Variants in KIAA1328 observed in about 807,000 individuals in gnomAD.
The protein encoded by KIAA1328 is protein hinderin.
Under a neutral mutation model 68.1 loss-of-function variants are expected in KIAA1328, and 52 were observed. That is an observed-to-expected ratio of 0.76 (90% CI 0.61 to 0.96). KIAA1328 has a LOEUF of 0.96. Ranked by LOEUF, KIAA1328 falls within the 40% of genes least tolerant of loss-of-function variation. The pLI is 0.00. For missense variants in KIAA1328, 641 were observed against 677.6 expected (o/e 0.95, Z 0.60); for synonymous variants, 232 against 239.4 (o/e 0.97, Z 0.28).
At chr18:36,883,915 TTTC>T (rs1317652410) in intron 4 of KIAA1328, among the ~76,000 whole-genome samples, 1 of 138,512 alleles carries the variant, frequency 7.2e-6, no homozygotes, top group African/African-American at 2.7e-5. Context: ...GTTTGGTAAC[TTTC>T]TTCTTCTTTA....
At chr18:36,936,557 T>C (rs1046223294) in intron 5 of KIAA1328, among the ~76,000 whole-genome samples, 1 of 152,200 alleles carries the variant, frequency 6.6e-6, no homozygotes, top group African/African-American at 2.4e-5. Context: ...CTATTGTAAA[T>C]AGTGCTGCAG....
chr18:36,848,361 T>G (rs543966963), intron 4 of KIAA1328, among the ~76,000 whole-genome samples: 45 of 151,540 alleles, frequency 3.0e-4, no homozygotes, highest in African/African-American at 9.9e-4. Flanking sequence ...CAATATTCAA[T>G]TTTTTGATTG....
At chr18:37,158,022 T>TTTTC (rs1051116991) in intron 7 of KIAA1328, among the ~76,000 whole-genome samples, 40 of 151,928 alleles carry the variant, frequency 2.6e-4, no homozygotes, top group South Asian at 4.2e-4. Context: ...ATTCCTTTTT[T>TTTTC]TTTCTTTCTT....
chr18:36,905,621 G>C (rs773053000), intron 5 of KIAA1328, among the ~76,000 whole-genome samples: 42 of 152,194 alleles, frequency 2.8e-4, no homozygotes, highest in Admixed American at 6.5e-4. Context: ...TTGCTCCACT[G>C]TCATTATACT....
intron 9 of KIAA1328, among the ~76,000 whole-genome samples, chr18:37,177,359 A>T (rs576313014): frequency 6.6e-6 from 1 of 152,214 alleles, no homozygotes; most frequent in African/African-American, 2.4e-5. Context: ...CCTGATAAGC[A>T]GAGGCACACC....
intron 7 of KIAA1328, among the ~76,000 whole-genome samples, chr18:37,069,074 G>T (rs2056442002): frequency 6.6e-6 from 1 of 151,888 alleles, no homozygotes. Flanking sequence ...TATGAATTTT[G>T]TCAAATATCT....
intron 8 of KIAA1328, among the ~76,000 whole-genome samples, chr18:37,165,464 G>T (rs1025388259): frequency 5.3e-5 from 8 of 151,600 alleles, no homozygotes; most frequent in Non-Finnish European, 1.2e-4. Context: ...TTGTTGCCCA[G>T]ACTGGAGTGC....
At chr18:37,036,044 G>C (rs2055013488) in intron 6 of KIAA1328, among the ~76,000 whole-genome samples, 1 of 152,128 alleles carries the variant, frequency 6.6e-6, no homozygotes, top group South Asian at 2.1e-4. Flanking sequence ...GTCAGATTTA[G>C]ATTTAAGAAT....
intron 4 of KIAA1328, among the ~76,000 whole-genome samples, chr18:36,854,331 A>T (rs1034002058): frequency 4.6e-5 from 7 of 152,228 alleles, no homozygotes; most frequent in Non-Finnish European, 1.0e-4. Flanking sequence ...TACTTTGTTA[A>T]GGCAGCCCTA....
chr18:37,179,796 G>A (rs2154215239), intron 9 of KIAA1328, among the ~76,000 whole-genome samples: 1 of 152,176 alleles, frequency 6.6e-6, no homozygotes, highest in Admixed American at 6.6e-5. Context: ...AGCCTTTAAA[G>A]TACCAGAACA....
chr18:37,213,655 T>C (rs1445755303), intron 9 of KIAA1328, among the ~76,000 whole-genome samples: 1 of 152,222 alleles, frequency 6.6e-6, no homozygotes, highest in Non-Finnish European at 1.5e-5. Context: ...CTCCTTTGGG[T>C]ATATACCCAG....
intron 6 of KIAA1328, among the ~76,000 whole-genome samples, chr18:37,018,395 AT>A (rs1262475465): frequency 1.3e-5 from 2 of 151,692 alleles, no homozygotes; most frequent in Non-Finnish European, 2.9e-5. Context: ...TGCCTTTAAG[AT>A]TTTTTTCATT....
chr18:36,833,145 G>A (rs2046554287), intron 1 of KIAA1328: 1 of 152,112 alleles, frequency 6.6e-6, no homozygotes, highest in Non-Finnish European at 1.5e-5. Flanking sequence ...CCTGGCCTAT[G>A]TTCAATGATA....
chr18:37,226,779 T>C (rs1443816539), downstream of KIAA1328, among the ~76,000 whole-genome samples: 1 of 151,744 alleles, frequency 6.6e-6, no homozygotes, highest in African/African-American at 2.4e-5. Context: ...AAAACATTTT[T>C]TTTTTTTGAC....
chr18:37,079,643 CTT>C (rs1472561587), intron 7 of KIAA1328, among the ~76,000 whole-genome samples: 1 of 151,776 alleles, frequency 6.6e-6, no homozygotes, highest in African/African-American at 2.4e-5. Flanking sequence ...AATTCCAGCA[CTT>C]TGGGAGGCCG....
intron 4 of KIAA1328, among the ~76,000 whole-genome samples, chr18:36,860,139 AT>A (rs1161234081): frequency 6.6e-6 from 1 of 151,988 alleles, no homozygotes; most frequent in Non-Finnish European, 1.5e-5. Context: ...AAAAGAATGT[AT>A]TTTGTGTGAT....
intron 5 of KIAA1328, among the ~76,000 whole-genome samples, chr18:36,893,805 A>G (rs1315830310): frequency 6.6e-6 from 1 of 152,166 alleles, no homozygotes; most frequent in African/African-American, 2.4e-5. Context: ...AAAACACAGA[A>G]GAACTAAAAA....
intron 2 of KIAA1328, among the ~76,000 whole-genome samples, chr18:36,834,889 CT>C (rs1386288323): frequency 6.6e-6 from 1 of 152,048 alleles, no homozygotes; most frequent in Non-Finnish European, 1.5e-5. Context: ...TTCAGTTAAG[CT>C]GGATGTGGTT....
intron 7 of KIAA1328, among the ~76,000 whole-genome samples, chr18:37,080,114 C>T (rs2056899673): frequency 6.6e-6 from 1 of 152,076 alleles, no homozygotes; most frequent in Non-Finnish European, 1.5e-5. Context: ...CTGTCATTAC[C>T]TTTGAAATTT....
Sources: gnomAD v4.1 joint callset for allele counts (sites outside exome capture counted in the v4.1 genomes callset) on GRCh38, gnomAD v4.1.1 for gene constraint, MANE v1.5 for transcripts, NCBI Gene and HGNC (gene_info 2026-07-23, HGNC 2026-07-21) for gene names.